ATP6V1F: variants seen among roughly 807,000 people sequenced by gnomAD.
ATP6V1F encodes the protein V-type proton ATPase subunit F.
ATP6V1F carries 4 observed loss-of-function variants against 6.6 expected under a neutral mutation model. That is an observed-to-expected ratio of 0.60 (90% CI 0.30 to 1.38). The LOEUF is 1.38. Among genes scored for constraint, ATP6V1F ranks in the 40% most tolerant of loss-of-function variants. The pLI is 0.08. For synonymous variants in ATP6V1F, 68 were observed against 66.9 expected (o/e 1.02, Z -0.08); for missense variants, 136 against 165.5 (o/e 0.82, Z 0.98).
chr7:128,863,281 T>C (rs1230350302), intron 1 of ATP6V1F, among the ~76,000 whole-genome samples: 1 of 152,100 alleles, frequency 6.6e-6, no homozygotes, highest in Non-Finnish European at 1.5e-5. Context: ...TCGTGTGTCA[T>C]GAAAGAAGGG....
At position 128,865,158 on chromosome 7, in the gene ATP6V1F, A is replaced by G. The variant is rs1217275314; in HGVS notation, c.159-219A>G. On this transcript the variant is annotated intron_variant, in intron 1 of 1. Coordinates refer to ENST00000249289, the MANE Select transcript of ATP6V1F (RefSeq NM_004231.4). The surrounding 1 kb of genome is among the most constrained non-coding windows in gnomAD (Gnocchi z 4.4). ...CTTCCGGGCAGTGTTGTAGAAGCCAACCCTAATCAGCGTGACCCTCCGCTT... is the reference window on the plus strand; with the variant it reads ...CTTCCGGGCAGTGTTGTAGAAGCCAGCCCTAATCAGCGTGACCCTCCGCTT... 4.6e-6 allele frequency: 7 copies of G among 1,536,254 alleles called. No homozygotes were observed. Among genetic ancestry groups the G allele is most frequent in the East Asian group, 2.4e-5 (1 of 40,922 alleles).
Position 128,865,518 on chromosome 7 carries a change from C to T in ATP6V1F, c.300C>T (p.Ala100=), listed in dbSNP as rs777614782. 7.4e-6 allele frequency: 12 copies of T among 1,613,986 alleles called. No individual in the cohort carries two copies. In the East Asian group the frequency reaches 8.9e-5, roughly 12 times the overall value. Residue 100 remains alanine, a synonymous_variant, in exon 2 of 2, where the codon GCC becomes GCT. Transcript: ENST00000249289. The surrounding 1 kb of genome is among the most constrained non-coding windows in gnomAD (Gnocchi z 4.4). ...CCTCCAAGGAGCACCCATATGACGC[C>T]GCCAAGGACTCCATCCTGCGCAGGG... The part of the protein sequence containing the change: ...EIPSKEHPYD[A]AKDSILRRAR...
Position 128,865,363 on chromosome 7 carries a change from A to T in ATP6V1F, c.159-14A>T. 6.2e-7 allele frequency: 1 copy of T among 1,613,716 alleles called. No homozygotes were observed. Among genetic ancestry groups the T allele is most frequent in the Non-Finnish European group, 8.5e-7 (1 of 1,179,912 alleles). The stretch of plus-strand genomic sequence containing the variant: ...CAGAGCTGTCCTGGACTCCCTTCTC[A>T]TCTCTCCCCACAGGCAATTTCTAAA... On this transcript the variant is annotated splice_polypyrimidine_tract_variant and intron_variant, in intron 1 of 1. Coordinates refer to ENST00000249289, the MANE Select transcript of ATP6V1F (RefSeq NM_004231.4). This position sits in a 1 kb window ranked among gnomAD's most constrained non-coding sequence, Gnocchi z 4.4.
intron 1 of ATP6V1F, among the ~76,000 whole-genome samples, chr7:128,863,739 C>T (rs1809323142): frequency 6.6e-6 from 1 of 152,172 alleles, no homozygotes; most frequent in African/African-American, 2.4e-5. Flanking sequence ...TTATTCCTCA[C>T]CCCTTCTCCA....
At chr7:128,864,937 A>C (rs995792209) in intron 1 of ATP6V1F, 26 of 601,626 alleles carry the variant, frequency 4.3e-5, no homozygotes, top group South Asian at 2.6e-4. Context: ...TCCTGGGTTC[A>C]AGCAATCCAC....
In ATP6V1F at chr7:128,863,008, A is replaced by G. The variant is rs150892079; in HGVS notation, c.104A>G (p.Asn35Ser). 1.1e-5 allele frequency: 18 copies of G among 1,613,506 alleles called. No homozygotes were observed. Among genetic ancestry groups the G allele is most frequent in the Admixed American group, 8.3e-5 (5 of 59,940 alleles). ...GAGCTTAACAAGAACCGCCATCCCA[A>G]TTTCCTGGTGGTGGAGAAGGATACA... ...IGELNKNRHP[N>S]FLVVEKDTTI... Residue 35 changes from asparagine to serine, a missense_variant, in exon 1 of 2, where the codon AAT becomes AGT. Coordinates refer to ENST00000249289, the MANE Select transcript of ATP6V1F (RefSeq NM_004231.4).
In ATP6V1F at chr7:128,865,492, C is replaced by CCCTCCAAGGAG; in HGVS notation, c.276_286dup (p.His96ProfsTer58). On this transcript the variant is annotated frameshift_variant, in exon 2 of 2. Coordinates refer to ENST00000249289, the MANE Select transcript of ATP6V1F (RefSeq NM_004231.4). LOFTEE classifies it high-confidence loss of function. This position sits in a 1 kb window ranked among gnomAD's most constrained non-coding sequence, Gnocchi z 4.4. Reference sequence around the variant, plus strand: ...GTCCATCCCCGCTGTCCTGGAGATCCCCTCCAAGGAGCACCCATATGACGC... The same window carrying CCCTCCAAGGAG: ...GTCCATCCCCGCTGTCCTGGAGATCCCCTCCAAGGAGCCTCCAAGGAGCACCCATATGACGC... 1 of 1,614,138 alleles carries CCCTCCAAGGAG rather than the reference C, an allele frequency of 6.2e-7. No individual in the cohort carries two copies. The highest frequency in any genetic ancestry group is 1.1e-5 in the South Asian group (1 of 91,088).
At position 128,862,909 on chromosome 7, in the gene ATP6V1F, C is replaced by G. The variant is rs755969437; in HGVS notation, c.5C>G (p.Ala2Gly). Reference protein sequence around the residue: MAGRGKLIAVIG... With the variant: MGGRGKLIAVIG... ...GAGCTCTGCCCGGCTGCAGGGATGG[C>G]GGGGAGGGGTAAGCTCATCGCAGTG... The change falls in exon 1 of 2, where the codon GCG (alanine) becomes GGG (glycine). Residue 2 changes from alanine to glycine, a missense_variant. By Grantham distance (60) the Ala-to-Gly change is moderately conservative. Coordinates refer to ENST00000249289, the MANE Select transcript of ATP6V1F (RefSeq NM_004231.4). 1.9e-6 allele frequency: 3 copies of G among 1,595,558 alleles called. No homozygotes were observed. Among genetic ancestry groups the G allele is most frequent in the Non-Finnish European group, 2.6e-6 (3 of 1,171,208 alleles).
chr7:128,863,494 C>A (rs756792978), intron 1 of ATP6V1F, among the ~76,000 whole-genome samples: 11 of 152,160 alleles, frequency 7.2e-5, no homozygotes, highest in Non-Finnish European at 1.0e-4. Context: ...CAATCTCAAC[C>A]CTTTCTGCCT....
At chr7:128,864,310 T>C (rs1430773438) in intron 1 of ATP6V1F, among the ~76,000 whole-genome samples, 1 of 152,068 alleles carries the variant, frequency 6.6e-6, no homozygotes, top group Non-Finnish European at 1.5e-5. Flanking sequence ...ACCACTGCAC[T>C]CCAGCCTGGG....
At chr7:128,864,598 CTTT>C (rs563759628) in intron 1 of ATP6V1F, among the ~76,000 whole-genome samples, 1 of 135,862 alleles carries the variant, frequency 7.4e-6, no homozygotes, top group Non-Finnish European at 1.6e-5. Flanking sequence ...GTTAATGTGT[CTTT>C]TTTTTTTTTT....
chr7:128,863,172 C>T, intron 1 of ATP6V1F, 110 bp downstream of exon 1: 1 of 1,402,226 alleles, frequency 7.1e-7, no homozygotes, highest in Non-Finnish European at 9.7e-7. Context: ...AAAGTCCTTC[C>T]GCCCTTCCGG....
At position 128,865,248 on chromosome 7, in the gene ATP6V1F, C is replaced by G; in HGVS notation, c.159-129C>G. 1 of 1,549,074 alleles carries G rather than the reference C, an allele frequency of 6.5e-7. No homozygotes were observed. The highest frequency in any genetic ancestry group is 1.2e-5 in the South Asian group (1 of 85,156). ...GAGCGTGGCAGCCTTTCCCCTTGTC[C>G]TCTGTGCCCTCTGGGTCATGCTCAT... On this transcript the variant is annotated intron_variant, in intron 1 of 1. Transcript: ENST00000249289. This position sits in a 1 kb window ranked among gnomAD's most constrained non-coding sequence, Gnocchi z 4.4.
intron 1 of ATP6V1F, among the ~76,000 whole-genome samples, chr7:128,863,646 C>T (rs1193894099): frequency 6.6e-6 from 1 of 152,198 alleles, no homozygotes; most frequent in Non-Finnish European, 1.5e-5. Flanking sequence ...CACTGCCTGC[C>T]TTAGGTCAGA....
chr7:128,864,230 A>G (rs1809332514), intron 1 of ATP6V1F, among the ~76,000 whole-genome samples: 1 of 152,128 alleles, frequency 6.6e-6, no homozygotes, highest in Non-Finnish European at 1.5e-5. Context: ...TGTAATCCCA[A>G]GAAATCAGGA....
rs1809303384 is a variant in ATP6V1F, at chr7:128,863,060, C to G, written c.156C>G (p.Phe52Leu). 1 of 1,611,250 alleles carries G rather than the reference C, an allele frequency of 6.2e-7. No individual in the cohort carries two copies. The highest frequency in any genetic ancestry group is 8.5e-7 in the Non-Finnish European group (1 of 1,178,806). Residue 52 changes from phenylalanine to leucine, a missense_variant and splice_region_variant, in exon 1 of 2, where the codon TTC (phenylalanine) becomes TTG (leucine). By Grantham distance (22) the Phe-to-Leu change is conservative. Transcript: ENST00000249289. Reference protein sequence around the residue: ...DTTINEIEDTFRQFLNRDDIG... With the variant: ...DTTINEIEDTLRQFLNRDDIG... The stretch of plus-strand genomic sequence containing the variant: ...CCATCAATGAGATCGAAGACACTTT[C>G]CGGTACGGTACCGCGCGAGGCCTGA...
Position 128,862,904 on chromosome 7 carries a change from G to C in ATP6V1F, c.-1G>C. 1 of 1,595,166 alleles carries C rather than the reference G, an allele frequency of 6.3e-7. No individual in the cohort carries two copies. Among genetic ancestry groups the C allele is most frequent in the Non-Finnish European group, 8.5e-7 (1 of 1,171,188 alleles). ...AGGGTGAGCTCTGCCCGGCTGCAGG[G>C]ATGGCGGGGAGGGGTAAGCTCATCG... On this transcript the variant is annotated 5_prime_UTR_variant, in exon 1 of 2. Transcript: ENST00000249289.
At chr7:128,863,861 C>A (rs1234251107) in intron 1 of ATP6V1F, among the ~76,000 whole-genome samples, 4 of 152,170 alleles carry the variant, frequency 2.6e-5, no homozygotes, top group African/African-American at 9.7e-5. Context: ...TTAGGTAGTC[C>A]CTGACCTGGG....
Position 128,862,957 on chromosome 7 carries a change from C to T in ATP6V1F, c.53C>T (p.Thr18Ile). 1 of 1,613,348 alleles carries T rather than the reference C, an allele frequency of 6.2e-7. No homozygotes were observed. Among genetic ancestry groups the T allele is most frequent in the Non-Finnish European group, 8.5e-7 (1 of 1,179,666 alleles). ...GTGATCGGAGACGAGGACACGGTGACTGGTTTCCTGCTGGGCGGCATAGGG... is the reference window on the plus strand; with the variant it reads ...GTGATCGGAGACGAGGACACGGTGATTGGTTTCCTGCTGGGCGGCATAGGG... ...IAVIGDEDTV[T>I]GFLLGGIGEL... The change falls in exon 1 of 2, where the codon ACT becomes ATT. Residue 18 changes from threonine (T) to isoleucine (I), a missense_variant. Coordinates refer to ENST00000249289, the MANE Select transcript of ATP6V1F (RefSeq NM_004231.4).
Sources: gnomAD v4.1 joint callset for allele counts (sites outside exome capture counted in the v4.1 genomes callset) on GRCh38, gnomAD v4.1.1 for gene constraint, Gnocchi (gnomAD v3.1) non-coding constraint, MANE v1.5 for transcripts, NCBI Gene and HGNC (gene_info 2026-07-23, HGNC 2026-07-21) for gene names.